GLB1L3: variants seen among roughly 807,000 people sequenced by gnomAD.
GLB1L3 encodes the protein galactosidase beta 1 like 3.
A neutral mutation model predicts 89.5 loss-of-function variants in GLB1L3; 89 were observed. The ratio of observed to expected loss-of-function variants is 0.99; its 90% CI spans 0.84 to 1.19. The LOEUF is 1.19. GLB1L3 is among the 50% of genes most tolerant of loss of function. The pLI, the probability that GLB1L3 is intolerant of heterozygous loss-of-function variation, is 0.00. For synonymous variants in GLB1L3, 314 were observed against 312.3 expected (o/e 1.01, Z -0.06); for missense variants, 812 against 813.3 (o/e 1.00, Z 0.02).
chr11:134,288,256 C>G (rs1345653418), intron 6 of GLB1L3, among the ~76,000 whole-genome samples: 2 of 152,042 alleles, frequency 1.3e-5, no homozygotes, highest in Non-Finnish European at 2.9e-5. Context: ...AAGTGTGGCT[C>G]TTAATGAGGA....
chr11:134,313,250 G>C, intron 15 of GLB1L3, 146 bp from the exon 16 acceptor site: 2 of 639,830 alleles, frequency 3.1e-6, no homozygotes, highest in Non-Finnish European at 5.6e-6. Context: ...ACACAAGGCA[G>C]TCCTTAGGTG....
intron 11 of GLB1L3, chr11:134,309,966 G>C (rs764990871): frequency 3.3e-6 from 2 of 598,834 alleles, no homozygotes; most frequent in Non-Finnish European, 2.9e-6. Flanking sequence ...AGGGCTTTCC[G>C]GGACTTAGAG....
chr11:134,312,197 G>C (rs960923648), intron 13 of GLB1L3, 152 bp from the exon 14 acceptor site: 8 of 797,552 alleles, frequency 1.0e-5, no homozygotes, highest in Non-Finnish European at 1.6e-5. Context: ...GGAGACGTAA[G>C]CACAGAGCAG....
intron 13 of GLB1L3, 99 bp downstream of exon 13, chr11:134,311,269 C>G: frequency 1.2e-6 from 1 of 862,988 alleles, no homozygotes; most frequent in Non-Finnish European, 2.0e-6. Context: ...AAAACAAATC[C>G]TCTGCATTTC....
At chr11:134,310,338 G>A (rs952377257) in intron 11 of GLB1L3, 22 of 541,856 alleles carry the variant, frequency 4.1e-5, no homozygotes, top group Non-Finnish European at 6.2e-5. Context: ...GCATTAGAAA[G>A]TGAAGAAGTG....
upstream of GLB1L3, chr11:134,276,012 T>G (rs1299591064): frequency 6.6e-6 from 1 of 152,586 alleles, no homozygotes; most frequent in East Asian, 1.9e-4. Flanking sequence ...TAGTCCCCAC[T>G]GTCTTCTGGA....
chr11:134,300,791 C>A (rs1035437085), intron 9 of GLB1L3, among the ~76,000 whole-genome samples: 3 of 152,170 alleles, frequency 2.0e-5, no homozygotes, highest in South Asian at 2.1e-4. Context: ...CTTATGAGGA[C>A]CCCGGTGACA....
At chr11:134,300,556 T>A (rs796950149) in intron 9 of GLB1L3, among the ~76,000 whole-genome samples, 10 of 151,876 alleles carry the variant, frequency 6.6e-5, no homozygotes, top group African/African-American at 2.4e-4. Context: ...GGATGGTCTC[T>A]ATCTCCTGAC....
chr11:134,292,863 T>G, intron 8 of GLB1L3: 1 of 520,904 alleles, frequency 1.9e-6, no homozygotes, highest in Admixed American at 3.5e-5. Flanking sequence ...GAAGCCTGTG[T>G]CCCGTTTCCA....
intron 9 of GLB1L3, among the ~76,000 whole-genome samples, chr11:134,300,688 C>G (rs973188919): frequency 3.9e-5 from 6 of 152,136 alleles, no homozygotes; most frequent in African/African-American, 1.4e-4. Flanking sequence ...TCTGAGGCCT[C>G]TCCTTATCTT....
At position 134,312,726 on chromosome 11, in the gene GLB1L3, C is replaced by T. The variant is rs188986794; in HGVS notation, c.1429-90C>T. The T allele has an allele frequency of 6.0e-3, 6,717 of 1,115,090 alleles. 23 individuals carry two copies. The highest frequency in any genetic ancestry group is 7.3e-3 in the Non-Finnish European group (5,480 of 750,578). The allele number at this position is 1,115,090 out of a possible 1,614,324, so 69.1% of individuals were successfully genotyped here. ...GAGCACCACAGCTGGTCCCTGCCTT[C>T]ATACTGACCTCCTTCTCCCGAAACC... On this transcript the variant is annotated intron_variant, in intron 14 of 19. Coordinates refer to ENST00000431683, the MANE Select transcript of GLB1L3 (RefSeq NM_001080407.3).
chr11:134,321,691 T>C (rs1146191), downstream of GLB1L3, among the ~76,000 whole-genome samples: 51,466 of 151,950 alleles, frequency 0.34, 10,624 homozygotes, highest in Non-Finnish European at 0.44. Context: ...ACCCTGCATG[T>C]TCTCACTCAT....
chr11:134,288,000 C>A (rs1466218771), intron 6 of GLB1L3, among the ~76,000 whole-genome samples: 1 of 152,180 alleles, frequency 6.6e-6, no homozygotes, highest in Non-Finnish European at 1.5e-5. Flanking sequence ...AAGCTCAGAC[C>A]TTGGCTTTCC....
chr11:134,303,774 A>G (rs750596434), intron 9 of GLB1L3, among the ~76,000 whole-genome samples: 8 of 152,128 alleles, frequency 5.3e-5, no homozygotes, highest in Non-Finnish European at 1.2e-4. Flanking sequence ...TATTTTTCAT[A>G]TCTTGGAGAT....
chr11:134,304,393 A>G (rs1017441051), intron 9 of GLB1L3, among the ~76,000 whole-genome samples: 11 of 152,180 alleles, frequency 7.2e-5, no homozygotes, highest in African/African-American at 2.7e-4. Flanking sequence ...GTCTTTGATC[A>G]TATCTTTAAA....
intron 10 of GLB1L3, among the ~76,000 whole-genome samples, chr11:134,307,930 T>C (rs1446744210): frequency 6.6e-6 from 1 of 152,172 alleles, no homozygotes; most frequent in Non-Finnish European, 1.5e-5. Flanking sequence ...GAAAGAGCTG[T>C]TATGAAAACA....
Position 134,281,374 on chromosome 11 carries a change from T to A in GLB1L3, c.363-3T>A. The A allele has an allele frequency of 5.6e-6, 9 of 1,609,946 alleles. No homozygotes were observed. Among genetic ancestry groups the A allele is most frequent in the Non-Finnish European group, 6.8e-6 (8 of 1,177,076 alleles). Reference sequence around the variant, plus strand: ...CATCATACTTCCCTCTCACCTCTTCTAGCTATGTTCCGTGGAACCTGCATG... The same window carrying A: ...CATCATACTTCCCTCTCACCTCTTCAAGCTATGTTCCGTGGAACCTGCATG... On this transcript the variant is annotated splice_polypyrimidine_tract_variant and splice_region_variant and intron_variant, in intron 3 of 19. Coordinates refer to ENST00000431683, the MANE Select transcript of GLB1L3 (RefSeq NM_001080407.3).
Position 134,310,577 on chromosome 11 carries a change from A to T in GLB1L3, c.1106A>T (p.Asp369Val). 6.2e-7 allele frequency: 1 copy of T among 1,612,436 alleles called. No individual in the cohort carries two copies. Among genetic ancestry groups the T allele is most frequent in the Non-Finnish European group, 8.5e-7 (1 of 1,179,022 alleles). Reference protein sequence around the residue: ...HSGIVTSYDYDAVLTEAGDYT... With the variant: ...HSGIVTSYDYVAVLTEAGDYT... ...TGGCCCTGGTGTCTTGCAGACTATG[A>T]TGCAGTGCTCACGGAGGCTGGAGAT... Residue 369 changes from aspartate (D) to valine (V), a missense_variant, in exon 12 of 20, where the codon GAT (aspartate) becomes GTT (valine). Asp to Val is a radical substitution (Grantham distance 152, BLOSUM62 -3). This residue lies in a region of GLB1L3 where 618 missense variants were observed against 604.0 expected (regional missense o/e 1.02). Coordinates refer to ENST00000431683, the MANE Select transcript of GLB1L3 (RefSeq NM_001080407.3).
At chr11:134,314,480 C>T (rs534188520) in intron 18 of GLB1L3, 39 bp downstream of exon 18, 2 of 1,296,260 alleles carry the variant, frequency 1.5e-6, no homozygotes, top group African/African-American at 2.9e-5. Flanking sequence ...TTCCAAACAC[C>T]AATTTTATTT....
Sources: allele counts gnomAD v4.1 joint callset (sites outside exome capture counted in the v4.1 genomes callset), GRCh38; gene constraint gnomAD v4.1.1; regional missense constraint gnomAD v4.1.1; transcripts MANE v1.5; gene names NCBI Gene and HGNC (gene_info 2026-07-23, HGNC 2026-07-21).